The following DPF3 variants were observed in gnomAD, a reference collection of about 807,000 sequenced individuals.
DPF3 encodes zinc finger protein DPF3.
Under a neutral mutation model 56.8 loss-of-function variants are expected in DPF3, and 18 were observed. That is an observed-to-expected ratio of 0.32 (90% CI 0.22 to 0.47). The LOEUF is 0.47. Among genes scored for constraint, DPF3 ranks in the 20% least tolerant of loss-of-function variants. The pLI, the probability that DPF3 is intolerant of heterozygous loss-of-function variation, is 1.00. For synonymous variants in DPF3, 188 were observed against 180.2 expected (o/e 1.04, Z -0.35); for missense variants, 403 against 488.8 (o/e 0.82, Z 1.65).
At chr14:72,630,165 A>C (rs1297223822) in intron 8 of DPF3, among the ~76,000 whole-genome samples, 1 of 152,142 alleles carries the variant, frequency 6.6e-6, no homozygotes, top group African/African-American at 2.4e-5. Flanking sequence ...CCAACCAGTT[A>C]TTCACACTGC....
At chr14:72,884,835 G>A (rs1886451461) in intron 1 of DPF3, among the ~76,000 whole-genome samples, 1 of 149,834 alleles carries the variant, frequency 6.7e-6, no homozygotes, top group African/African-American at 2.5e-5. Context: ...GGTGGCTCAC[G>A]CCTGTAATCC....
intron 3 of DPF3, among the ~76,000 whole-genome samples, chr14:72,746,190 G>A (rs1054396685): frequency 6.6e-6 from 1 of 152,238 alleles, no homozygotes. Context: ...ATTTTGGCCT[G>A]TGCAAAAAAT....
intron 1 of DPF3, chr14:72,879,797 T>C (rs1886258062): frequency 6.5e-7 from 1 of 1,533,746 alleles, no homozygotes; most frequent in East Asian, 2.4e-5. Context: ...CACACTGAGG[T>C]TCTTACCCTA....
intron 8 of DPF3, among the ~76,000 whole-genome samples, chr14:72,641,974 T>C (rs1001119499): frequency 2.0e-5 from 3 of 152,198 alleles, no homozygotes; most frequent in African/African-American, 7.2e-5. Context: ...AGCTGCCTCA[T>C]GGAAAGGCCC....
In DPF3 at chr14:72,614,831, T is replaced by A. The variant is rs941614871; in HGVS notation, c.*4466A>T. ...TCACTCCCACCTGCTGCCCTCCAGC[T>A]CCTTAGCTCGAGGATTTCTCCCTGA... On this transcript the variant is annotated 3_prime_UTR_variant, in exon 11 of 11. Coordinates refer to ENST00000556509, the MANE Select transcript of DPF3 (RefSeq NM_001280542.3). Among the ~76,000 whole-genome samples the A allele has an allele frequency of 2.1e-5, 3 of 142,200 alleles. No homozygotes were observed. Among genetic ancestry groups the A allele is most frequent in the African/African-American group, 7.9e-5 (3 of 38,018 alleles). The allele number at this position is 142,200 out of a possible 152,430, so 93.3% of individuals were successfully genotyped here. A position where few individuals can be genotyped will look rare whatever the true frequency, so the allele number is the denominator to read the frequency against.
At chr14:72,824,551 C>T (rs201145242) in intron 1 of DPF3, among the ~76,000 whole-genome samples, 21 of 143,284 alleles carry the variant, frequency 1.5e-4, no homozygotes, top group African/African-American at 4.9e-4. Context: ...TTTTCTTTTT[C>T]TTTTTTTTTT....
intron 1 of DPF3, among the ~76,000 whole-genome samples, chr14:72,815,356 A>G (rs1883238458): frequency 6.6e-6 from 1 of 152,268 alleles, no homozygotes. Flanking sequence ...AAGGATATAG[A>G]ATAACTACGA....
chr14:72,682,149 G>T (rs1887190925), intron 7 of DPF3, among the ~76,000 whole-genome samples: 1 of 151,614 alleles, frequency 6.6e-6, no homozygotes, highest in Admixed American at 6.6e-5. Context: ...GGGAGGCAGA[G>T]GTTGCAGTGA....
In DPF3 at chr14:72,615,169, G is replaced by A. The variant is rs776999163; in HGVS notation, c.*4128C>T. Among the ~76,000 whole-genome samples, 6 of 152,118 alleles carry A rather than the reference G, an allele frequency of 3.9e-5. No individual in the cohort carries two copies. The highest frequency in any genetic ancestry group is 8.8e-5 in the Non-Finnish European group (6 of 68,002). On this transcript the variant is annotated 3_prime_UTR_variant, in exon 11 of 11. Coordinates refer to ENST00000556509, the MANE Select transcript of DPF3 (RefSeq NM_001280542.3). ...GCTGCTTCTGTCCCAGCACTTCCAC[G>A]ACAGGCTAAAAACCAGCCTGGGGGG...
At chr14:72,732,523 G>A (rs1215099884) in intron 3 of DPF3, among the ~76,000 whole-genome samples, 1 of 152,182 alleles carries the variant, frequency 6.6e-6, no homozygotes, top group Non-Finnish European at 1.5e-5. Flanking sequence ...CAACCCAGGG[G>A]GAAGTGAGAG....
intron 8 of DPF3, among the ~76,000 whole-genome samples, chr14:72,652,432 A>G (rs908056124): frequency 5.9e-5 from 9 of 152,226 alleles, no homozygotes; most frequent in African/African-American, 2.2e-4. Context: ...AGCTGTGATT[A>G]GCACAGCAGA....
At chr14:72,718,710 T>A (rs574324020) in intron 5 of DPF3, among the ~76,000 whole-genome samples, 97 of 151,010 alleles carry the variant, frequency 6.4e-4, no homozygotes, top group African/African-American at 2.2e-3. Context: ...CTTTGGGGGC[T>A]CTCAGTGTAA....
rs564705195 is a variant in DPF3, at chr14:72,623,128, A to G, written c.985-3144T>C. 3.9e-5 allele frequency among the ~76,000 whole-genome samples: 6 copies of G among 152,368 alleles called. No homozygotes were observed. The East Asian group carries it at 1.2e-3, about 29-fold the overall frequency. On this transcript the variant is annotated intron_variant, in intron 9 of 10. Coordinates refer to ENST00000556509, the MANE Select transcript of DPF3 (RefSeq NM_001280542.3). ...TTCATATATACACACACATGTTTAC[A>G]TTTAAACAAAATGGAAAGACAAATC...
intron 3 of DPF3, among the ~76,000 whole-genome samples, chr14:72,738,890 TAA>T (rs1890012443): frequency 6.6e-6 from 1 of 152,182 alleles, no homozygotes; most frequent in African/African-American, 2.4e-5. Context: ...TAAATATATA[TAA>T]CTTTTATTTG....
At chr14:72,826,490 G>GA (rs1883807667) in intron 1 of DPF3, among the ~76,000 whole-genome samples, 1 of 152,160 alleles carries the variant, frequency 6.6e-6, no homozygotes, top group Non-Finnish European at 1.5e-5. Flanking sequence ...AAGTGCTAAA[G>GA]AAAATTGCCT....
chr14:72,795,258 G>A (rs1292883416), intron 1 of DPF3, among the ~76,000 whole-genome samples: 2 of 129,796 alleles, frequency 1.5e-5, no homozygotes, highest in Non-Finnish European at 3.2e-5. Flanking sequence ...CAGGAATATT[G>A]AAGCTGTCCT....
At chr14:72,856,923 G>A (rs1222313856) in intron 1 of DPF3, among the ~76,000 whole-genome samples, 3 of 152,192 alleles carry the variant, frequency 2.0e-5, no homozygotes, top group Admixed American at 2.0e-4. Context: ...GAGTTCACCG[G>A]GAAGTGCCAG....
intron 2 of DPF3, among the ~76,000 whole-genome samples, chr14:72,770,866 T>G (rs868294376): frequency 1.3e-5 from 2 of 152,224 alleles, no homozygotes; most frequent in Non-Finnish European, 2.9e-5. Flanking sequence ...TCACTGTAGC[T>G]GTAGTAATAA....
chr14:72,620,347 C>A (rs1328154582), intron 9 of DPF3, among the ~76,000 whole-genome samples: 1 of 152,196 alleles, frequency 6.6e-6, no homozygotes. Flanking sequence ...TGTCTCTATT[C>A]TCCATGACTT....
Sources: gnomAD v4.1 joint callset for allele counts (sites outside exome capture counted in the v4.1 genomes callset) on GRCh38, gnomAD v4.1.1 for gene constraint, MANE v1.5 for transcripts, NCBI Gene and HGNC (gene_info 2026-07-23, HGNC 2026-07-21) for gene names.